Variants in HMGB1 observed in about 807,000 individuals in gnomAD.
HMGB1 encodes high mobility group protein B1.
For missense variants in HMGB1, 79 were observed against 253.5 expected (o/e 0.31, Z 4.67); for synonymous variants, 81 against 84.0 (o/e 0.96, Z 0.19).
intron 1 of HMGB1, among the ~76,000 whole-genome samples, chr13:30,582,594 T>C (rs944755475): frequency 1.3e-5 from 2 of 151,094 alleles, no homozygotes; most frequent in African/African-American, 2.4e-5. Flanking sequence ...GCTGAGATCG[T>C]GCCACTGCAC....
At chr13:30,552,193 C>A (rs923391611) in intron 1 of HMGB1, among the ~76,000 whole-genome samples, 6 of 152,074 alleles carry the variant, frequency 3.9e-5, no homozygotes, top group African/African-American at 1.2e-4. Flanking sequence ...TTATATTCAC[C>A]AGTTATTAAC....
chr13:30,577,837 T>A (rs1296642299), intron 1 of HMGB1, among the ~76,000 whole-genome samples: 2 of 152,240 alleles, frequency 1.3e-5, no homozygotes, highest in African/African-American at 4.8e-5. Flanking sequence ...GTTATCAGAA[T>A]AAACCACCTA....
At chr13:30,506,764 G>A (rs1450327794) in intron 1 of HMGB1, among the ~76,000 whole-genome samples, 2 of 152,160 alleles carry the variant, frequency 1.3e-5, no homozygotes, top group African/African-American at 4.8e-5. Context: ...TTCCTGCTGA[G>A]TGGGGTGCGC....
chr13:30,464,585 C>T (rs1409529582), intron 1 of HMGB1: 40 of 983,850 alleles, frequency 4.1e-5, no homozygotes, highest in Non-Finnish European at 4.8e-5. Flanking sequence ...AGGCCCGCGC[C>T]GCCGCCGCCC....
At chr13:30,555,492 T>C (rs1869649054) in intron 1 of HMGB1, among the ~76,000 whole-genome samples, 1 of 152,220 alleles carries the variant, frequency 6.6e-6, no homozygotes, top group South Asian at 2.1e-4. Flanking sequence ...AAAAATTTAC[T>C]ACTTGTCCCA....
intron 1 of HMGB1, among the ~76,000 whole-genome samples, chr13:30,515,079 G>C (rs1428100316): frequency 6.6e-6 from 1 of 152,238 alleles, no homozygotes; most frequent in Non-Finnish European, 1.5e-5. Context: ...GCTGGAGGCA[G>C]ATGGAGGATC....
intron 1 of HMGB1, among the ~76,000 whole-genome samples, chr13:30,583,839 A>AAAGAAAG (rs1555242865): frequency 1.6e-4 from 22 of 137,718 alleles, no homozygotes; most frequent in South Asian, 1.2e-3. Flanking sequence ...AAAAAAAAAA[A>AAAGAAAG]AAAGAAAGAA....
intron 1 of HMGB1, among the ~76,000 whole-genome samples, chr13:30,551,193 GATAA>G (rs759564648): frequency 9.3e-4 from 142 of 152,288 alleles, no homozygotes; most frequent in Middle Eastern, 3.4e-3. Flanking sequence ...GGTGATAAAA[GATAA>G]ATAAACCCCT....
chr13:30,554,144 C>T, intron 1 of HMGB1: 2 of 1,295,922 alleles, frequency 1.5e-6, no homozygotes, highest in East Asian at 4.6e-5. Context: ...AGTACATCTA[C>T]TACGATTAGA....
chr13:30,504,759 C>A (rs901671872), intron 1 of HMGB1, among the ~76,000 whole-genome samples: 5 of 152,098 alleles, frequency 3.3e-5, no homozygotes, highest in Admixed American at 2.6e-4. Flanking sequence ...CTGATTAAAA[C>A]CAAGGAGGGG....
chr13:30,522,109 C>CTTTTTT (rs35096026), intron 1 of HMGB1, among the ~76,000 whole-genome samples: 4 of 130,164 alleles, frequency 3.1e-5, no homozygotes, highest in African/African-American at 5.7e-5. Context: ...AATTATGATA[C>CTTTTTT]TTTTTTTTTT....
intron 1 of HMGB1, among the ~76,000 whole-genome samples, chr13:30,508,710 T>C (rs1359181986): frequency 6.6e-6 from 1 of 152,162 alleles, no homozygotes; most frequent in Non-Finnish European, 1.5e-5. Context: ...AGTCTAATCA[T>C]AACCTGAATT....
At chr13:30,578,262 C>A (rs570230024) in intron 1 of HMGB1, among the ~76,000 whole-genome samples, 1 of 151,660 alleles carries the variant, frequency 6.6e-6, no homozygotes, top group East Asian at 1.9e-4. Flanking sequence ...CTTTTGCAAG[C>A]CTTTATTTAT....
At position 30,462,568 on chromosome 13, in the gene HMGB1, C is replaced by T; in HGVS notation, c.441G>A (p.Lys147=). Residue 147 remains lysine, a synonymous_variant, in exon 4 of 5, where the codon AAG becomes AAA. Coordinates refer to ENST00000341423, the MANE Select transcript of HMGB1 (RefSeq NM_002128.7). ...AADDKQPYEK[K]AAKLKEKYEK... is the part of the protein sequence containing the mutation. Reference sequence around the variant, plus strand: ...CATATTTTTCCTTCAGCTTCGCAGCCTTCTTTTCATAAGGCTGCTTGTCAT... The same window carrying T: ...CATATTTTTCCTTCAGCTTCGCAGCTTTCTTTTCATAAGGCTGCTTGTCAT... 6.2e-7 allele frequency: 1 copy of T among 1,613,264 alleles called. No homozygotes were observed. The highest frequency in any genetic ancestry group is 8.5e-7 in the Non-Finnish European group (1 of 1,179,246).
chr13:30,604,503 C>T (rs1007784500), intron 1 of HMGB1, among the ~76,000 whole-genome samples: 8 of 152,132 alleles, frequency 5.3e-5, no homozygotes, highest in African/African-American at 1.9e-4. Flanking sequence ...ACTAAACATC[C>T]TACAATGCAC....
chr13:30,581,269 C>T (rs1057072548), intron 1 of HMGB1, among the ~76,000 whole-genome samples: 3 of 152,098 alleles, frequency 2.0e-5, no homozygotes, highest in Non-Finnish European at 2.9e-5. Context: ...TACAGTGGGC[C>T]CTTCTTATCA....
chr13:30,508,774 C>G (rs1362263699), intron 1 of HMGB1, among the ~76,000 whole-genome samples: 1 of 152,126 alleles, frequency 6.6e-6, no homozygotes, highest in Non-Finnish European at 1.5e-5. Flanking sequence ...AAGGGTCAGA[C>G]TATGTGCAAA....
rs564794589 is a variant in HMGB1 at position 30,559,614 on chromosome 13, G to T, written c.-15+57057C>A. Among the ~76,000 whole-genome samples, 86 of 152,294 alleles carry T rather than the reference G, an allele frequency of 5.6e-4. No individual in the cohort carries two copies. Among genetic ancestry groups the T allele is most frequent in the African/African-American group, 1.9e-3 (81 of 41,568 alleles). On this transcript the variant is annotated intron_variant, in intron 1 of 4. Coordinates refer to the HMGB1 transcript ENST00000405805. This position sits in a 1 kb window ranked among gnomAD's most constrained non-coding sequence, Gnocchi z 6.6. ...GCCACATAGGGAAATCAGTTTTTAA[G>T]AAAGCGGATGGAATTCAGCTGCAAA... is the stretch of plus-strand genomic sequence containing the variant.
At chr13:30,614,719 T>TGGG (rs770964896) in intron 1 of HMGB1, among the ~76,000 whole-genome samples, 5 of 152,050 alleles carry the variant, frequency 3.3e-5, no homozygotes, top group Non-Finnish European at 7.4e-5. Flanking sequence ...TTTTTTGAGA[T>TGGG]GGAGTCTTGC....
Sources: gnomAD v4.1 joint callset for allele counts (sites outside exome capture counted in the v4.1 genomes callset) on GRCh38, gnomAD v4.1.1 for gene constraint, Gnocchi (gnomAD v3.1) non-coding constraint, MANE v1.5 for transcripts, NCBI Gene and HGNC (gene_info 2026-07-23, HGNC 2026-07-21) for gene names.